Variants in ZNF33A observed in about 807,000 individuals in gnomAD.
ZNF33A encodes zinc finger protein 33A.
ZNF33A carries 9 observed loss-of-function variants against 15.9 expected under a neutral mutation model. The observed-to-expected ratio is 0.57, with a 90% CI of 0.34 to 0.99. The LOEUF (loss-of-function observed/expected upper bound fraction) is 0.99. Ranked by LOEUF, ZNF33A falls within the 50% of genes least tolerant of loss-of-function variation. The pLI is 0.02. For missense variants in ZNF33A, 843 were observed against 941.6 expected, an observed-to-expected ratio of 0.90 and a Z score of 1.37; for synonymous variants, 294 against 324.2, an observed-to-expected ratio of 0.91 and a Z score of 1.00.
intron 4 of ZNF33A, among the ~76,000 whole-genome samples, chr10:38,026,610 G>A (rs1165717121): frequency 9.9e-5 from 15 of 152,210 alleles, no homozygotes; most frequent in Admixed American, 5.2e-4. Flanking sequence ...GATTACAGGC[G>A]TGAGCCACTG....
At position 38,056,998 on chromosome 10, in the gene ZNF33A, A is replaced by G. The variant is rs2066510462; in HGVS notation, c.*438A>G. 1.3e-6 allele frequency: 1 copy of G among 798,872 alleles called. No individual in the cohort carries two copies. The highest frequency in any genetic ancestry group is 6.4e-4 in the Middle Eastern group (1 of 1,566). The allele number at this position is 798,872 out of a possible 1,614,324, so 49.5% of individuals were successfully genotyped here. On this transcript the variant is annotated 3_prime_UTR_variant, in exon 5 of 5. Transcript: ENST00000432900. The stretch of plus-strand genomic sequence containing the variant: ...AGAGAATTCCCATGTACACTTCACC[A>G]AACTTCCTCTAAGGATAATGTATAA...
chr10:38,017,868 G>A (rs1339015854), intron 4 of ZNF33A, among the ~76,000 whole-genome samples: 1 of 152,190 alleles, frequency 6.6e-6, no homozygotes, highest in African/African-American at 2.4e-5. Context: ...GTCGAGGCAG[G>A]CAGATCACTT....
downstream of ZNF33A, chr10:38,064,007 G>T: frequency 7.5e-7 from 1 of 1,342,038 alleles, no homozygotes; most frequent in Admixed American, 1.7e-5. Flanking sequence ...AGGAAGAAAA[G>T]AGGGCTTTCA....
intron 4 of ZNF33A, among the ~76,000 whole-genome samples, chr10:38,036,405 T>C (rs2065456075): frequency 6.6e-6 from 1 of 152,034 alleles, no homozygotes; most frequent in African/African-American, 2.4e-5. Context: ...ACCATTGCAC[T>C]TCAGCCTGGG....
At chr10:38,042,740 A>G (rs2065764046) in intron 4 of ZNF33A, among the ~76,000 whole-genome samples, 1 of 151,782 alleles carries the variant, frequency 6.6e-6, no homozygotes, top group South Asian at 2.1e-4. Flanking sequence ...TTTTTTAGAG[A>G]TGGTGTCTCA....
intron 4 of ZNF33A, among the ~76,000 whole-genome samples, chr10:38,045,382 T>C (rs535507139): frequency 1.3e-5 from 2 of 152,294 alleles, no homozygotes; most frequent in Admixed American, 6.5e-5. Flanking sequence ...GTTGCTGTTA[T>C]ACTTTGCTGA....
chr10:38,017,599 C>T (rs2064519387), intron 4 of ZNF33A: 1 of 378,576 alleles, frequency 2.6e-6, no homozygotes, highest in Non-Finnish European at 4.8e-6. Flanking sequence ...TGAATGTTTA[C>T]TATTCTTACA....
At chr10:38,044,707 A>G (rs1393158903) in intron 4 of ZNF33A, among the ~76,000 whole-genome samples, 2 of 150,342 alleles carry the variant, frequency 1.3e-5, no homozygotes, top group Non-Finnish European at 3.0e-5. Context: ...TCGCTCTGTC[A>G]CCCAGGCTGG....
intron 4 of ZNF33A, among the ~76,000 whole-genome samples, chr10:38,046,800 TA>T (rs35449020): frequency 3.3e-4 from 50 of 150,290 alleles, no homozygotes; most frequent in East Asian, 9.7e-4. Flanking sequence ...ACGGAAGATT[TA>T]AAAAAAAAAT....
chr10:38,038,015 C>T (rs1016145705), intron 4 of ZNF33A, among the ~76,000 whole-genome samples: 6 of 152,180 alleles, frequency 3.9e-5, no homozygotes, highest in Non-Finnish European at 8.8e-5. Flanking sequence ...TTTATTTAGG[C>T]TGTCTTTAAT....
chr10:38,034,263 CCTT>C (rs1474269703), intron 4 of ZNF33A, among the ~76,000 whole-genome samples: 3 of 152,118 alleles, frequency 2.0e-5, no homozygotes, highest in Admixed American at 1.3e-4. Flanking sequence ...TACCTAATGT[CCTT>C]CTTTGTTCCA....
In ZNF33A at chr10:38,058,653, C is replaced by G. The variant is rs1236209542; in HGVS notation, c.*2093C>G. ...GGGCATGGTGGCATGCGTGTGTAGTCGAAGCTACTCAGGAGGCTGAGGCAG... is the reference window on the plus strand; with the variant it reads ...GGGCATGGTGGCATGCGTGTGTAGTGGAAGCTACTCAGGAGGCTGAGGCAG... On this transcript the variant is annotated 3_prime_UTR_variant, in exon 5 of 5. Coordinates refer to ENST00000432900, the MANE Select transcript of ZNF33A (RefSeq NM_006954.2). 6.6e-6 allele frequency: 1 copy of G among 152,116 alleles called. No homozygotes were observed. The highest frequency in any genetic ancestry group is 2.4e-5 in the African/African-American group (1 of 41,388). 9.4% of individuals were successfully genotyped at this position (152,116 alleles called of 1,614,324 possible). A position where few individuals can be genotyped will look rare whatever the true frequency, so the allele number is the denominator to read the frequency against.
At chr10:38,030,663 GAGAA>G (rs2065175597) in intron 4 of ZNF33A, among the ~76,000 whole-genome samples, 1 of 152,130 alleles carries the variant, frequency 6.6e-6, no homozygotes, top group South Asian at 2.1e-4. Context: ...AATGTGGGTT[GAGAA>G]AGAAGGGAGA....
intron 4 of ZNF33A, chr10:38,039,525 C>A: frequency 2.2e-6 from 1 of 456,098 alleles, no homozygotes; most frequent in Non-Finnish European, 4.4e-6. Context: ...CAGCATCCCA[C>A]CTGTAATGGG....
rs1033415181 is a variant in ZNF33A, at chr10:38,059,415, A to G, written c.*2855A>G. ...CATAGATTTGAAAGGATGAAATACAACTTTGTTCACAAGTAACATGATTGT... is the reference window on the plus strand; with the variant it reads ...CATAGATTTGAAAGGATGAAATACAGCTTTGTTCACAAGTAACATGATTGT... On this transcript the variant is annotated 3_prime_UTR_variant, in exon 5 of 5. Coordinates refer to ENST00000432900, the MANE Select transcript of ZNF33A (RefSeq NM_006954.2). The G allele has an allele frequency of 4.6e-5, 7 of 152,248 alleles. No individual in the cohort carries two copies. Among genetic ancestry groups the G allele is most frequent in the Non-Finnish European group, 8.8e-5 (6 of 68,056 alleles). The allele number at this position is 152,248 out of a possible 1,614,324, so 9.4% of individuals were successfully genotyped here. A position where few individuals can be genotyped will look rare whatever the true frequency, so the allele number is the denominator to read the frequency against.
intron 4 of ZNF33A, chr10:38,039,681 C>G (rs1471606232): frequency 2.4e-6 from 1 of 410,370 alleles, no homozygotes; most frequent in Non-Finnish European, 4.7e-6. Context: ...ATACATTGTT[C>G]ATACCATTCT....
chr10:38,067,198 A>T (rs1179441823), downstream of ZNF33A, among the ~76,000 whole-genome samples: 2 of 152,196 alleles, frequency 1.3e-5, no homozygotes. Context: ...TGAATACACC[A>T]GACCACATGT....
At chr10:38,062,345 G>A (rs1171543309), downstream of ZNF33A, among the ~76,000 whole-genome samples, 3 of 152,144 alleles carry the variant, frequency 2.0e-5, no homozygotes, top group Non-Finnish European at 2.9e-5. Context: ...CACACAAATG[G>A]ACGAAGACAA....
chr10:38,012,593 G>A (rs913040127), intron 2 of ZNF33A, among the ~76,000 whole-genome samples: 1 of 151,972 alleles, frequency 6.6e-6, no homozygotes, highest in Non-Finnish European at 1.5e-5. Context: ...TGCCACGCCT[G>A]GCTAATTTTT....
Sources: allele counts gnomAD v4.1 joint callset (sites outside exome capture counted in the v4.1 genomes callset), GRCh38; gene constraint gnomAD v4.1.1; transcripts MANE v1.5; gene names NCBI Gene and HGNC (gene_info 2026-07-23, HGNC 2026-07-21).